The following COL5A2 variants were observed in gnomAD, a reference collection of about 807,000 sequenced individuals.
COL5A2 encodes collagen alpha-2(V) chain.
COL5A2 carries 23 observed loss-of-function variants against 208.2 expected under a neutral mutation model. The observed-to-expected ratio is 0.11, with a 90% CI of 0.08 to 0.16. COL5A2 has a LOEUF of 0.16. Ranked by LOEUF, COL5A2 falls within the 10% of genes least tolerant of loss-of-function variation. The pLI is 1.00. For missense variants in COL5A2, 1,590 were observed against 1,956.4 expected (o/e 0.81, Z 3.53); for synonymous variants, 625 against 628.5 (o/e 0.99, Z 0.08).
At chr2:189,379,548 CAA>C in the COL5A2 span, among the ~76,000 whole-genome samples, 1 of 152,012 alleles carries the variant, frequency 6.6e-6, no homozygotes, top group Non-Finnish European at 1.5e-5. Context: ...AAATTTTCTT[CAA>C]AGAGATACTC....
intron 1 of COL5A2, among the ~76,000 whole-genome samples, chr2:189,144,473 G>A (rs1688000037): frequency 1.3e-5 from 2 of 151,354 alleles, no homozygotes. Flanking sequence ...GTAGGTTGCA[G>A]TATCCTTGTT....
upstream of COL5A2, among the ~76,000 whole-genome samples, chr2:189,184,215 G>A (rs1688818477): frequency 1.3e-5 from 2 of 151,960 alleles, no homozygotes; most frequent in Admixed American, 6.6e-5. Flanking sequence ...CTTCAATAGT[G>A]CCATTGGGAA....
chr2:189,430,500 C>G, the COL5A2 span, among the ~76,000 whole-genome samples: 22 of 152,318 alleles, frequency 1.4e-4, no homozygotes, highest in Admixed American at 1.4e-3. Flanking sequence ...AAATACTGTG[C>G]TTTTCCCAAG....
Position 189,179,624 on chromosome 2 carries a change from G to T in COL5A2, c.-20C>A. 6.3e-7 allele frequency: 1 copy of T among 1,589,566 alleles called. No homozygotes were observed. Among genetic ancestry groups the T allele is most frequent in the East Asian group, 2.3e-5 (1 of 44,356 alleles). On this transcript the variant is annotated 5_prime_UTR_variant, in exon 1 of 54. Coordinates refer to ENST00000374866, the MANE Select transcript of COL5A2 (RefSeq NM_000393.5). The stretch of plus-strand genomic sequence containing the variant: ...CATCATGTCTAAATATTAGACATGT[G>T]GGTTCTCCTGAGAGTGAAAAGTAGA...
chr2:189,268,048 T>C, the COL5A2 span, among the ~76,000 whole-genome samples: 13 of 152,282 alleles, frequency 8.5e-5, no homozygotes, highest in East Asian at 1.7e-3. Context: ...AAAGTGGCAT[T>C]AAAAATTATG....
intron 1 of COL5A2, among the ~76,000 whole-genome samples, chr2:189,197,281 A>G (rs984243411): frequency 1.3e-5 from 2 of 151,992 alleles, no homozygotes; most frequent in African/African-American, 4.8e-5. Context: ...GGGGCCAGCC[A>G]GGGGGTTGGG....
chr2:189,050,399 G>A (rs569417057), intron 43 of COL5A2, among the ~76,000 whole-genome samples, 170 bp downstream of exon 43: 1 of 152,172 alleles, frequency 6.6e-6, no homozygotes, highest in Admixed American at 6.5e-5. Flanking sequence ...GACTTTGTAA[G>A]GTAGTTAAGA....
chr2:189,082,344 G>C (rs1686553644), intron 12 of COL5A2, among the ~76,000 whole-genome samples: 1 of 152,094 alleles, frequency 6.6e-6, no homozygotes, highest in South Asian at 2.1e-4. Context: ...ATCACAGTAG[G>C]GGTAAAACAA....
chr2:189,438,208 A>G, the COL5A2 span, among the ~76,000 whole-genome samples: 1 of 151,698 alleles, frequency 6.6e-6, no homozygotes, highest in Non-Finnish European at 1.5e-5. Context: ...AAAAACCTTG[A>G]CAATACCAAG....
chr2:189,058,400 TA>T, intron 33 of COL5A2, 28 bp downstream of exon 33: 1 of 1,565,248 alleles, frequency 6.4e-7, no homozygotes, highest in Non-Finnish European at 8.8e-7. Context: ...TAAAGCATTT[TA>T]AAACACTGAG....
At chr2:189,231,874 C>T in the COL5A2 span, among the ~76,000 whole-genome samples, 1 of 151,624 alleles carries the variant, frequency 6.6e-6, no homozygotes, top group African/African-American at 2.4e-5. Context: ...GAAGTGGAGG[C>T]CTTTCTCAGA....
At position 189,051,363 on chromosome 2, in the gene COL5A2, C is replaced by A; in HGVS notation, c.2888G>T (p.Gly963Val). The change falls in exon 42 of 54, where the codon GGT becomes GTT. Residue 963 changes from glycine (G) to valine (V), a missense_variant. By Grantham distance (109) the Gly-to-Val change is moderately radical (BLOSUM62 -3). Transcript: ENST00000374866. ...VGDRGPAGPPGGPGDKGDPGE... is the reference protein window; with the variant it reads ...VGDRGPAGPPVGPGDKGDPGE... ...TGGGTCCCCTTTGTCTCCTGGGCCA[C>A]CAGGGGGGCCAGCTGGTCCTCGATC... The A allele has an allele frequency of 6.2e-7, 1 of 1,614,066 alleles. No individual in the cohort carries two copies. The highest frequency in any genetic ancestry group is 8.5e-7 in the Non-Finnish European group (1 of 1,179,978).
chr2:189,250,206 C>T, the COL5A2 span, among the ~76,000 whole-genome samples: 1 of 152,156 alleles, frequency 6.6e-6, no homozygotes, highest in Non-Finnish European at 1.5e-5. Context: ...TTACTGTGTA[C>T]AGAGTACAGG....
chr2:189,148,986 A>G lies in COL5A2; in HGVS notation c.97+30522T>C, dbSNP rs985145532. Among the ~76,000 whole-genome samples the G allele has an allele frequency of 2.5e-4, 38 of 152,102 alleles. 1 individual carries two copies. Among genetic ancestry groups the G allele is most frequent in the Admixed American group, 1.9e-3 (29 of 15,264 alleles). Reference sequence around the variant, plus strand: ...AAAAACCCATCTCTACCAAATATACAAAAAATTAATTGGGCGTGGTGGCAT... The same window carrying G: ...AAAAACCCATCTCTACCAAATATACGAAAAATTAATTGGGCGTGGTGGCAT... On this transcript the variant is annotated intron_variant, in intron 1 of 53. Transcript: ENST00000374866.
intron 1 of COL5A2, among the ~76,000 whole-genome samples, chr2:189,113,435 AAAAAG>A (rs1458263763): frequency 1.3e-5 from 2 of 152,068 alleles, no homozygotes; most frequent in Non-Finnish European, 2.9e-5. Context: ...CTGGACTCAC[AAAAAG>A]AAAAGACAAG....
At chr2:189,131,733 A>G (rs1485321693) in intron 1 of COL5A2, among the ~76,000 whole-genome samples, 1 of 152,206 alleles carries the variant, frequency 6.6e-6, no homozygotes, top group Non-Finnish European at 1.5e-5. Context: ...AAAAAACTGA[A>G]TTGTTGAAAA....
chr2:189,244,259 G>A, the COL5A2 span, among the ~76,000 whole-genome samples: 1 of 152,182 alleles, frequency 6.6e-6, no homozygotes, highest in Admixed American at 6.6e-5. Flanking sequence ...TTGTCAGGCT[G>A]CAGATTTTGC....
the COL5A2 span, among the ~76,000 whole-genome samples, chr2:189,424,414 T>C: frequency 0.02 from 2,973 of 152,266 alleles, 98 homozygotes; most frequent in African/African-American, 0.068. Flanking sequence ...CATGACTTTA[T>C]GTACTTTTTT....
chr2:189,191,162 A>AAAAAAAAAAAAAAAAAAAAAAAAAAC (rs374376776), intron 1 of COL5A2, among the ~76,000 whole-genome samples: 1 of 73,798 alleles, frequency 1.4e-5, no homozygotes, highest in East Asian at 3.7e-4. Context: ...CAAAAAACAA[A>AAAAAAAAAAAAAAAAAAAAAAAAAAC]CAAACAACAA....
Sources: allele counts gnomAD v4.1 joint callset (sites outside exome capture counted in the v4.1 genomes callset), GRCh38; gene constraint gnomAD v4.1.1; transcripts MANE v1.5; gene names NCBI Gene and HGNC (gene_info 2026-07-23, HGNC 2026-07-21).